The following KLHL5 variants were observed in gnomAD, a reference collection of about 807,000 sequenced individuals.
The protein encoded by KLHL5 is kelch-like protein 5.
In KLHL5, 48 loss-of-function variants were observed where a neutral mutation model predicts 77.7. The observed-to-expected ratio is 0.62, with a 90% CI of 0.49 to 0.79. KLHL5 has a LOEUF of 0.79. Ranked by LOEUF, KLHL5 falls within the 30% of genes least tolerant of loss-of-function variation. The pLI, the probability that KLHL5 is intolerant of heterozygous loss-of-function variation, is 0.00. For synonymous variants in KLHL5, 260 were observed against 297.0 expected, an observed-to-expected ratio of 0.88 and a Z score of 1.28; for missense variants, 723 against 859.7, an observed-to-expected ratio of 0.84 and a Z score of 1.99.
Position 39,103,339 on chromosome 4 carries a change from A to G in KLHL5, c.1353A>G (p.Val451=). ...YDLRTNMWTP[V]ANMNGRRLQF... is the part of the protein sequence containing the mutation. ...TCCGTACAAATATGTGGACTCCAGT[A>G]GCAAATATGAATGGGAGGAGGCTAC... The change falls in exon 7 of 11, where the codon GTA becomes GTG. Residue 451 remains valine (V), a synonymous_variant. Coordinates refer to ENST00000504108, the MANE Select transcript of KLHL5 (RefSeq NM_015990.5). 6.2e-7 allele frequency: 1 copy of G among 1,614,146 alleles called. No individual in the cohort carries two copies. The highest frequency in any genetic ancestry group is 8.5e-7 in the Non-Finnish European group (1 of 1,180,016).
chr4:39,066,525 C>T lies in KLHL5; in HGVS notation c.383+3490C>T, dbSNP rs371667055. Among the ~76,000 whole-genome samples, 20 of 152,166 alleles carry T rather than the reference C, an allele frequency of 1.3e-4. 1 individual carries two copies. In the South Asian group the frequency reaches 3.7e-3, roughly 28 times the overall value. On this transcript the variant is annotated intron_variant, in intron 1 of 10. Transcript: ENST00000504108. Reference sequence around the variant, plus strand: ...CCTGACATAAAATTTTTCAACTTTACGATGATGGAAAAGCAACATGCATTC... The same window carrying T: ...CCTGACATAAAATTTTTCAACTTTATGATGATGGAAAAGCAACATGCATTC...
chr4:39,055,366 A>G (rs572573354), intron 1 of KLHL5, among the ~76,000 whole-genome samples: 82 of 152,352 alleles, frequency 5.4e-4, no homozygotes, highest in Admixed American at 4.6e-3. Flanking sequence ...CCACTGGTCT[A>G]ATGGATTCTG....
chr4:39,131,041 T>C (rs1263071611), downstream of KLHL5, among the ~76,000 whole-genome samples: 9 of 143,024 alleles, frequency 6.3e-5, no homozygotes, highest in Admixed American at 5.9e-4. Flanking sequence ...TTTGTAGAGA[T>C]AGCATATCAC....
intron 5 of KLHL5, among the ~76,000 whole-genome samples, chr4:39,088,609 G>T (rs1274971193): frequency 6.6e-6 from 1 of 151,926 alleles, no homozygotes; most frequent in Admixed American, 6.6e-5. Context: ...GGAAGAAATA[G>T]ATTAAAAAAA....
chr4:39,085,305 C>T (rs1057082858), intron 4 of KLHL5, among the ~76,000 whole-genome samples: 1 of 152,130 alleles, frequency 6.6e-6, no homozygotes, highest in South Asian at 2.1e-4. Context: ...AGAACTTCTA[C>T]TGATAGGAAT....
At chr4:39,105,208 A>G (rs943765931) in intron 7 of KLHL5, among the ~76,000 whole-genome samples, 13 of 149,434 alleles carry the variant, frequency 8.7e-5, no homozygotes, top group Non-Finnish European at 4.4e-5. Context: ...ATGCAGTGGT[A>G]TGTTTTTGGC....
intron 1 of KLHL5, among the ~76,000 whole-genome samples, chr4:39,051,020 C>T (rs1383654100): frequency 6.6e-6 from 1 of 152,108 alleles, no homozygotes; most frequent in Non-Finnish European, 1.5e-5. Flanking sequence ...CTGGCTTCTC[C>T]TCATGGGTAA....
At chr4:39,103,547 C>A in intron 7 of KLHL5, 36 bp downstream of exon 7, 1 of 1,513,312 alleles carries the variant, frequency 6.6e-7, no homozygotes, top group Non-Finnish European at 9.2e-7. Context: ...CAAAATATCA[C>A]ATAGCTCCCA....
the KLHL5 span, among the ~76,000 whole-genome samples, chr4:39,137,778 A>G: frequency 1.3e-5 from 2 of 151,924 alleles, no homozygotes; most frequent in African/African-American, 2.4e-5. Flanking sequence ...GCCCAGTTGG[A>G]TGGGCTTCCA....
chr4:39,138,915 A>AT, the KLHL5 span, among the ~76,000 whole-genome samples: 5 of 152,154 alleles, frequency 3.3e-5, no homozygotes, highest in Admixed American at 6.5e-5. Flanking sequence ...CCAAATATTT[A>AT]TTTTTTTCAA....
intron 1 of KLHL5, among the ~76,000 whole-genome samples, chr4:39,050,013 T>C (rs905310512): frequency 6.6e-6 from 1 of 152,108 alleles, no homozygotes; most frequent in Non-Finnish European, 1.5e-5. Context: ...AAGCAGAGGT[T>C]GCGGTAAGCT....
rs2109634340 is a variant in KLHL5 at position 39,123,373 on chromosome 4, CA to C, written c.*2308del. Among the ~76,000 whole-genome samples the C allele has an allele frequency of 6.6e-6, 1 of 152,284 alleles. No homozygotes were observed. Among genetic ancestry groups the C allele is most frequent in the African/African-American group, 2.4e-5 (1 of 41,552 alleles). ...ACCCTGTGACATTCTATAAGGCGGA[CA>C]TTACCTTAACACCAAAGCCAGACAA... is the stretch of plus-strand genomic sequence containing the variant. On this transcript the variant is annotated 3_prime_UTR_variant, in exon 11 of 11. Coordinates refer to ENST00000504108, the MANE Select transcript of KLHL5 (RefSeq NM_015990.5).
upstream of KLHL5, among the ~76,000 whole-genome samples, chr4:39,057,256 T>C (rs958708): frequency 5.3e-4 from 80 of 152,338 alleles, no homozygotes; most frequent in African/African-American, 1.9e-3. Context: ...TTGTTAGGGA[T>C]ATAGTGGTCC....
intron 2 of KLHL5, among the ~76,000 whole-genome samples, chr4:39,077,709 A>C (rs1447426523): frequency 4.3e-5 from 6 of 139,172 alleles, no homozygotes; most frequent in African/African-American, 5.3e-5. Flanking sequence ...AAAAAAAAAA[A>C]CAAAAAACAA....
chr4:39,077,188 G>A (rs757886387), intron 2 of KLHL5, among the ~76,000 whole-genome samples: 3 of 152,096 alleles, frequency 2.0e-5, no homozygotes, highest in Non-Finnish European at 2.9e-5. Context: ...GCCGGGCGCG[G>A]TGGCTCATGC....
Position 39,062,620 on chromosome 4 carries a change from C to G in KLHL5, c.-33C>G, listed in dbSNP as rs140053546. ...AAATCTGTGTGCAGTGCTTTTTGCC[C>G]GTTGCCTAGACGATCACTTGGTTTC... On this transcript the variant is annotated 5_prime_UTR_variant, in exon 1 of 11. Coordinates refer to ENST00000504108, the MANE Select transcript of KLHL5 (RefSeq NM_015990.5). The G allele has an allele frequency of 6.2e-7, 1 of 1,613,998 alleles. No homozygotes were observed. Among genetic ancestry groups the G allele is most frequent in the Non-Finnish European group, 8.5e-7 (1 of 1,180,000 alleles).
intron 10 of KLHL5, among the ~76,000 whole-genome samples, chr4:39,120,655 G>T (rs984914303): frequency 6.6e-5 from 10 of 152,118 alleles, no homozygotes; most frequent in African/African-American, 2.4e-4. Context: ...CCTCCATATT[G>T]GTCACAGAGT....
chr4:39,063,842 T>C (rs1444101653), intron 1 of KLHL5: 1 of 163,290 alleles, frequency 6.1e-6, no homozygotes, highest in African/African-American at 2.4e-5. Context: ...GGAATCTGCC[T>C]TTATCTTTGA....
the KLHL5 span, among the ~76,000 whole-genome samples, chr4:39,141,941 A>G: frequency 6.6e-6 from 1 of 152,184 alleles, no homozygotes. Context: ...TGTCTTCTAA[A>G]TCTTTGAAAA....
Sources: allele counts gnomAD v4.1 joint callset (sites outside exome capture counted in the v4.1 genomes callset), GRCh38; gene constraint gnomAD v4.1.1; transcripts MANE v1.5; gene names NCBI Gene and HGNC (gene_info 2026-07-23, HGNC 2026-07-21).